Variants in USP6 observed in about 807,000 individuals in gnomAD.
USP6 encodes the protein ubiquitin carboxyl-terminal hydrolase 6.
USP6 carries 128 observed loss-of-function variants against 175.7 expected under a neutral mutation model. The ratio of observed to expected loss-of-function variants is 0.73; its 90% CI spans 0.63 to 0.84. The LOEUF (loss-of-function observed/expected upper bound fraction) is 0.84. Ranked by LOEUF, USP6 falls within the 40% of genes least tolerant of loss-of-function variation. The pLI is 0.00. For synonymous variants in USP6, 562 were observed against 630.6 expected (o/e 0.89, Z 1.63); for missense variants, 1,498 against 1,760.3 (o/e 0.85, Z 2.67).
At chr17:5,125,654 A>C (rs2072861688) in intron 5 of USP6, among the ~76,000 whole-genome samples, 167 bp from the exon 6 acceptor site, 1 of 80,316 alleles carries the variant, frequency 1.2e-5, no homozygotes, top group Non-Finnish European at 3.2e-5. Flanking sequence ...CTTGCAACAC[A>C]CAAACACGCA....
At chr17:5,135,010 A>G in intron 15 of USP6, 1 of 495,686 alleles carries the variant, frequency 2.0e-6, no homozygotes, top group Non-Finnish European at 3.7e-6. Flanking sequence ...AAAATCATTC[A>G]GCGTGAAAAG....
At chr17:5,141,007 G>A (rs1421783830) in intron 22 of USP6, among the ~76,000 whole-genome samples, 1 of 152,122 alleles carries the variant, frequency 6.6e-6, no homozygotes, top group Non-Finnish European at 1.5e-5. Context: ...GTGCAGTGGT[G>A]CAATCATGGC....
intron 20 of USP6, 139 bp from the exon 21 acceptor site, chr17:5,137,982 T>C: frequency 6.5e-7 from 1 of 1,534,874 alleles, no homozygotes. Flanking sequence ...CCAGCCACAG[T>C]CTCCTGTGTA....
rs1567782128 is a variant in USP6, at chr17:5,133,910, G to A, written c.408G>A (p.Arg136=). The change falls in exon 15 of 38, where the codon AGG becomes AGA. Residue 136 remains arginine (R), a synonymous_variant. Coordinates refer to ENST00000574788, the MANE Select transcript of USP6 (RefSeq NM_001304284.2). ...RYQIMKERGK[R]SSEHIHHIDL... The stretch of plus-strand genomic sequence containing the variant: ...AGATCATGAAGGAGAGGGGCAAGAG[G>A]TCATCTGAACACATCCACCACATCG... The A allele has an allele frequency of 1.9e-6, 3 of 1,614,166 alleles. No individual in the cohort carries two copies. The South Asian group carries it at 3.3e-5, about 18-fold the overall frequency.
chr17:5,147,699 G>T lies in USP6; in HGVS notation c.2431+505G>T, dbSNP rs2073650459. 5.3e-5 allele frequency among the ~76,000 whole-genome samples: 8 copies of T among 152,108 alleles called. No homozygotes were observed. In the South Asian group the frequency reaches 1.7e-3, roughly 32 times the overall value. ...GTAGTAGGTAGATAGTCCTGACGGT[G>T]AGTTGGTGGATGATCTAATTTTAGT... On this transcript the variant is annotated intron_variant, in intron 29 of 37. Coordinates refer to ENST00000574788, the MANE Select transcript of USP6 (RefSeq NM_001304284.2).
chr17:5,138,626 G>A (rs1416121441), intron 21 of USP6, among the ~76,000 whole-genome samples: 1 of 152,098 alleles, frequency 6.6e-6, no homozygotes, highest in Non-Finnish European at 1.5e-5. Flanking sequence ...AGCACCCACA[G>A]CCTCAGAGAG....
intron 30 of USP6, among the ~76,000 whole-genome samples, chr17:5,153,259 A>G (rs2144059567): frequency 1.3e-5 from 2 of 152,316 alleles, no homozygotes; most frequent in East Asian, 3.9e-4. Context: ...ACAGAAAGCT[A>G]GTTGCTTTGT....
rs148680131 is a variant in USP6 at position 5,130,410 on chromosome 17, C to T, written c.43C>T (p.Arg15Trp). Reference sequence around the variant, plus strand: ...TGCAGATAGTTTGCAGGCACAGGAGCGGAAGGACATACTTATGAAGTATGA... The same window carrying T: ...TGCAGATAGTTTGCAGGCACAGGAGTGGAAGGACATACTTATGAAGTATGA... ...ENADSLQAQE[R>W]KDILMKYDKG... The change falls in exon 10 of 38, where the codon CGG becomes TGG. Residue 15 changes from arginine (R) to tryptophan (W), a missense_variant. Physicochemically the swap from Arg to Trp is moderately radical, Grantham distance 101. This residue lies in a region of USP6 where 281 missense variants were observed against 259.6 expected (regional missense o/e 1.08). Coordinates refer to ENST00000574788, the MANE Select transcript of USP6 (RefSeq NM_001304284.2). The T allele has an allele frequency of 3.7e-5, 60 of 1,614,086 alleles. No homozygotes were observed. The highest frequency in any genetic ancestry group is 2.3e-4 in the African/African-American group (17 of 75,004).
At chr17:5,167,374 C>A (rs2074116848) in intron 33 of USP6, among the ~76,000 whole-genome samples, 1 of 152,168 alleles carries the variant, frequency 6.6e-6, no homozygotes, top group Non-Finnish European at 1.5e-5. Context: ...TTGTTTTTGT[C>A]ATTTTGAAGC....
At chr17:5,131,163 G>A (rs2073054968) in intron 11 of USP6, among the ~76,000 whole-genome samples, 1 of 152,110 alleles carries the variant, frequency 6.6e-6, no homozygotes, top group Non-Finnish European at 1.5e-5. Flanking sequence ...GGGGAAGGGG[G>A]AAAGGTGTGG....
intron 33 of USP6, among the ~76,000 whole-genome samples, chr17:5,165,184 A>G (rs894534851): frequency 1.2e-4 from 19 of 152,252 alleles, no homozygotes; most frequent in African/African-American, 4.1e-4. Flanking sequence ...AAATCTGCCA[A>G]TATTTTGACA....
chr17:5,156,831 G>A (rs2073895679), intron 31 of USP6, among the ~76,000 whole-genome samples: 1 of 151,004 alleles, frequency 6.6e-6, no homozygotes, highest in South Asian at 2.1e-4. Flanking sequence ...CCAGGTTCAA[G>A]TGATTTTCAT....
chr17:5,151,334 C>T (rs2073764273), intron 30 of USP6, among the ~76,000 whole-genome samples: 1 of 152,008 alleles, frequency 6.6e-6, no homozygotes, highest in Non-Finnish European at 1.5e-5. Flanking sequence ...AAACCATGTT[C>T]ATGGATTAGA....
intron 1 of USP6, among the ~76,000 whole-genome samples, chr17:5,117,215 C>G (rs2072557337): frequency 6.6e-6 from 1 of 152,172 alleles, no homozygotes; most frequent in South Asian, 2.1e-4. Context: ...CGCTGCTTAA[C>G]ACATATTAAA....
chr17:5,160,833 C>CACTGTTACT (rs2073990906), intron 31 of USP6, among the ~76,000 whole-genome samples: 1 of 152,222 alleles, frequency 6.6e-6, no homozygotes, highest in African/African-American at 2.4e-5. Context: ...AGCTAGTTTA[C>CACTGTTACT]AGTCCCACCA....
chr17:5,135,236 A>T lies in USP6; in HGVS notation c.497A>T (p.Gln166Leu), dbSNP rs780401315. 3.7e-6 allele frequency: 6 copies of T among 1,612,864 alleles called. No individual in the cohort carries two copies. The highest frequency in any genetic ancestry group is 1.7e-4 in the Middle Eastern group (1 of 6,050). ...AGCCCCCTTTCTGTGTTTCCTAGGCAGAGGGAACTATTCTACATCCTCCTG... is the reference window on the plus strand; with the variant it reads ...AGCCCCCTTTCTGTGTTTCCTAGGCTGAGGGAACTATTCTACATCCTCCTG... ...VFFRDRYGAK[Q>L]RELFYILLAY... Residue 166 changes from glutamine to leucine, a missense_variant and splice_region_variant, in exon 16 of 38, where the codon CAG becomes CTG. Around this residue, in one of 2 missense-constraint regions of USP6, gnomAD observed 281 missense variants for 259.6 expected, o/e 1.08. Transcript: ENST00000574788.
intron 35 of USP6, among the ~76,000 whole-genome samples, chr17:5,169,814 G>C (rs1282525074): frequency 3.3e-5 from 5 of 152,022 alleles, no homozygotes; most frequent in Non-Finnish European, 7.4e-5. Flanking sequence ...ATGTACAATG[G>C]TGTAAGAGAA....
chr17:5,139,024 A>C, intron 21 of USP6: 1 of 1,562,464 alleles, frequency 6.4e-7, no homozygotes, highest in Non-Finnish European at 8.6e-7. Flanking sequence ...GCCAGTCTGA[A>C]CCCTGGGGGC....
chr17:5,123,212 T>A (rs2072757603), intron 4 of USP6: 1 of 142,682 alleles, frequency 7.0e-6, no homozygotes, highest in South Asian at 2.1e-4. Context: ...TAGCCAGAGA[T>A]CTACTGGATG....
Sources: allele counts gnomAD v4.1 joint callset (sites outside exome capture counted in the v4.1 genomes callset), GRCh38; gene constraint gnomAD v4.1.1; regional missense constraint gnomAD v4.1.1; transcripts MANE v1.5; gene names NCBI Gene and HGNC (gene_info 2026-07-23, HGNC 2026-07-21).